The following DOT1L variants were observed in gnomAD, a reference collection of about 807,000 sequenced individuals.
DOT1L encodes histone-lysine N-methyltransferase, H3 lysine-79 specific.
A neutral mutation model predicts 153.3 loss-of-function variants in DOT1L; 33 were observed. That is an observed-to-expected ratio of 0.22 (90% CI 0.16 to 0.29). DOT1L has a LOEUF of 0.29. DOT1L is among the 10% of genes least tolerant of loss of function. DOT1L has a pLI of 1.00. For synonymous variants in DOT1L, 1,135 were observed against 965.1 expected (o/e 1.18, Z -3.26); for missense variants, 1,847 against 2,119.9 (o/e 0.87, Z 2.53).
chr19:2,167,731 T>A (rs2019979531), intron 1 of DOT1L, among the ~76,000 whole-genome samples: 1 of 130,056 alleles, frequency 7.7e-6, no homozygotes, highest in Non-Finnish European at 1.8e-5. Context: ...TTTCTTTTCT[T>A]TTCTTTTTTT....
chr19:2,165,230 G>A (rs1381311954), intron 1 of DOT1L, among the ~76,000 whole-genome samples: 2 of 152,132 alleles, frequency 1.3e-5, no homozygotes, highest in African/African-American at 4.8e-5. Context: ...CGCGAGTTTT[G>A]GGGGGCGCGT....
intron 22 of DOT1L, among the ~76,000 whole-genome samples, chr19:2,218,295 C>T (rs1241472329): frequency 6.6e-6 from 1 of 152,244 alleles, no homozygotes; most frequent in African/African-American, 2.4e-5. Flanking sequence ...AGAATCTCGT[C>T]TTGTGTAGCA....
rs1198303441 is a variant in DOT1L, at chr19:2,207,710, G to A, written c.963+30G>A. On this transcript the variant is annotated intron_variant, in intron 11 of 27. Transcript: ENST00000398665. This position sits in a 1 kb window ranked among gnomAD's most constrained non-coding sequence, Gnocchi z 4.5. ...GTATCTCGCTGCGCCTCAGCCGCAG[G>A]GCCGTCCTGGTCTTCCACCCCGCCC... The A allele has an allele frequency of 8.2e-6, 13 of 1,576,398 alleles. No individual in the cohort carries two copies.
chr19:2,230,786 C>G lies in DOT1L; in HGVS notation c.*994C>G. 2.6e-6 allele frequency: 1 copy of G among 390,814 alleles called. No individual in the cohort carries two copies. 24.2% of individuals were successfully genotyped at this position (390,814 alleles called of 1,614,324 possible). A position where few individuals can be genotyped will look rare whatever the true frequency, so the allele number is the denominator to read the frequency against. On this transcript the variant is annotated 3_prime_UTR_variant, in exon 28 of 28. Coordinates refer to ENST00000398665, the MANE Select transcript of DOT1L (RefSeq NM_032482.3). ...TTATTCAAACAGTGCACAAAATGGC[C>G]CCAGCGTCAGCCCCGACCCTAGACC... is the stretch of plus-strand genomic sequence containing the variant.
Position 2,226,289 on chromosome 19 carries a change from G to C in DOT1L, c.3768G>C (p.Ser1256=), listed in dbSNP as rs202083194. 2.5e-6 allele frequency: 4 copies of C among 1,597,688 alleles called. No homozygotes were observed. In the Admixed American group the frequency reaches 6.8e-5, roughly 27 times the overall value. The change falls in exon 27 of 28, where the codon TCG becomes TCC. Residue 1256 remains serine, a synonymous_variant. Coordinates refer to ENST00000398665, the MANE Select transcript of DOT1L (RefSeq NM_032482.3). ...SPISDIGLAK[S]ADSPLQASSA... ...TCTCCGACATCGGCCTGGCCAAGTCGGCGGACAGCCCGCTGCAGGCCAGCT... is the reference window on the plus strand; with the variant it reads ...TCTCCGACATCGGCCTGGCCAAGTCCGCGGACAGCCCGCTGCAGGCCAGCT...
chr19:2,228,631 G>A (rs2024471213), intron 27 of DOT1L: 1 of 985,254 alleles, frequency 1.0e-6, no homozygotes, highest in Non-Finnish European at 1.2e-6. Context: ...CCGCAGGACT[G>A]AGGCCAGCCC....
intron 27 of DOT1L, chr19:2,229,312 T>TAGGG (rs2024500854): frequency 6.1e-6 from 6 of 985,434 alleles, no homozygotes; most frequent in Non-Finnish European, 6.0e-6. Context: ...GCCCTCTGCT[T>TAGGG]GCCCCTGGCC....
rs1218099967 is a variant in DOT1L, at chr19:2,190,615, G to C, written c.265-397G>C. Among the ~76,000 whole-genome samples, 1 of 152,130 alleles carries C rather than the reference G, an allele frequency of 6.6e-6. No individual in the cohort carries two copies. The highest frequency in any genetic ancestry group is 2.4e-5 in the African/African-American group (1 of 41,436). Reference sequence around the variant, plus strand: ...CACGTAGTCGAGTCAGATGAGGTGTGGTAGGCTCAGGGCTTTCACGGGGCT... The same window carrying C: ...CACGTAGTCGAGTCAGATGAGGTGTCGTAGGCTCAGGGCTTTCACGGGGCT... On this transcript the variant is annotated intron_variant, in intron 4 of 27. Transcript: ENST00000398665. This position sits in a 1 kb window ranked among gnomAD's most constrained non-coding sequence, Gnocchi z 4.8.
chr19:2,172,487 C>G (rs922048180), intron 1 of DOT1L, among the ~76,000 whole-genome samples: 13 of 150,960 alleles, frequency 8.6e-5, no homozygotes, highest in Non-Finnish European at 1.9e-4. Flanking sequence ...CCGTGCCCGG[C>G]CAGCCACTTT....
Position 2,220,094 on chromosome 19 carries a change from T to C in DOT1L, c.2692-14T>C. On this transcript the variant is annotated splice_polypyrimidine_tract_variant and intron_variant, in intron 22 of 27. Coordinates refer to ENST00000398665, the MANE Select transcript of DOT1L (RefSeq NM_032482.3). The surrounding 1 kb of genome is among the most constrained non-coding windows in gnomAD (Gnocchi z 4.5). ...CACCTGCTGCCCCTGACACACAGGG[T>C]TTTCTCTCTGCAGAGGAGCACCCCC... 1.3e-6 allele frequency: 2 copies of C among 1,591,596 alleles called. No individual in the cohort carries two copies. Among genetic ancestry groups the C allele is most frequent in the Non-Finnish European group, 8.6e-7 (1 of 1,164,614 alleles).
intron 8 of DOT1L, among the ~76,000 whole-genome samples, chr19:2,200,943 A>G (rs2023243115): frequency 7.5e-6 from 1 of 132,550 alleles, no homozygotes; most frequent in Non-Finnish European, 1.6e-5. Flanking sequence ...TCCTCCCCGC[A>G]TTCCTCGTCC....
Position 2,225,470 on chromosome 19 carries a change from T to C in DOT1L, c.3661+18T>C. 1 of 1,613,964 alleles carries C rather than the reference T, an allele frequency of 6.2e-7. No homozygotes were observed. The highest frequency in any genetic ancestry group is 8.5e-7 in the Non-Finnish European group (1 of 1,179,862). ...GGAAAATGGTGAGTAACAAGTGTTT[T>C]GCGGCGTGGCCAGGCCTGTCCGTGT... On this transcript the variant is annotated intron_variant, in intron 26 of 27. Coordinates refer to ENST00000398665, the MANE Select transcript of DOT1L (RefSeq NM_032482.3).
At chr19:2,183,098 A>G (rs1222105735) in intron 2 of DOT1L, among the ~76,000 whole-genome samples, 1 of 152,152 alleles carries the variant, frequency 6.6e-6, no homozygotes, top group African/African-American at 2.4e-5. Flanking sequence ...TCCTCTAGAA[A>G]CACCGACGAC....
intron 1 of DOT1L, among the ~76,000 whole-genome samples, chr19:2,169,459 ACT>A (rs1451923123): frequency 1.3e-5 from 2 of 151,938 alleles, no homozygotes; most frequent in African/African-American, 4.8e-5. Context: ...TTGTCCAGAA[ACT>A]CTGCAGATGA....
chr19:2,216,113 C>T (rs1344491261), intron 19 of DOT1L, 168 bp from the exon 20 acceptor site: 8 of 944,288 alleles, frequency 8.5e-6, no homozygotes, highest in African/African-American at 1.7e-5. Flanking sequence ...TTATTTGACG[C>T]CCCCAGCTTC....
intron 12 of DOT1L, 85 bp downstream of exon 12, chr19:2,209,061 GGAGCCACGAC>G: frequency 1.3e-6 from 2 of 1,494,978 alleles, no homozygotes. Context: ...GCCGGGTTCA[GGAGCCACGAC>G]TGGAGCACAG....
At chr19:2,189,317 C>T (rs1334949204) in intron 3 of DOT1L, among the ~76,000 whole-genome samples, 1 of 152,190 alleles carries the variant, frequency 6.6e-6, no homozygotes, top group Non-Finnish European at 1.5e-5. Flanking sequence ...TCACCTGCCT[C>T]TGGCGATGGT....
chr19:2,226,401 A>G lies in DOT1L; in HGVS notation c.3880A>G (p.Lys1294Glu). 1 of 1,598,668 alleles carries G rather than the reference A, an allele frequency of 6.3e-7. No homozygotes were observed. The highest frequency in any genetic ancestry group is 8.5e-7 in the Non-Finnish European group (1 of 1,175,940). ...TGCCAAGCTGGCCGCTCACCCCAGG[A>G]AAGGCTTTCCCGGCTCCCTGTCGGG... ...ADAKLAAHPR[K>E]GFPGSLSGAD... Residue 1294 changes from lysine to glutamate, a missense_variant, in exon 27 of 28, where the codon AAA becomes GAA. By Grantham distance (56) the Lys-to-Glu change is moderately conservative. Coordinates refer to ENST00000398665, the MANE Select transcript of DOT1L (RefSeq NM_032482.3).
At position 2,191,487 on chromosome 19, in the gene DOT1L, C is replaced by G. The variant is rs1356235751; in HGVS notation, c.493+247C>G. On this transcript the variant is annotated intron_variant, in intron 5 of 27. Coordinates refer to ENST00000398665, the MANE Select transcript of DOT1L (RefSeq NM_032482.3). The surrounding 1 kb of genome is among the most constrained non-coding windows in gnomAD (Gnocchi z 6.8). ...CAGACCAGGCCCATCCTCCCAGGTG[C>G]CCGGAGACTCTGCTTTCGTCCTGCT... Among the ~76,000 whole-genome samples, 1 of 152,026 alleles carries G rather than the reference C, an allele frequency of 6.6e-6. No homozygotes were observed. Among genetic ancestry groups the G allele is most frequent in the Non-Finnish European group, 1.5e-5 (1 of 67,988 alleles).
Sources: allele counts gnomAD v4.1 joint callset (sites outside exome capture counted in the v4.1 genomes callset), GRCh38; gene constraint gnomAD v4.1.1; non-coding constraint Gnocchi (gnomAD v3.1); transcripts MANE v1.5; gene names NCBI Gene and HGNC (gene_info 2026-07-23, HGNC 2026-07-21).